Variants in CHIC1 observed in about 807,000 individuals in gnomAD.
CHIC1 encodes the protein cysteine-rich hydrophobic domain-containing protein 1.
Under a neutral mutation model 18.5 loss-of-function variants are expected in CHIC1, and 7 were observed. The observed-to-expected ratio is 0.38, with a 90% CI of 0.22 to 0.71. The LOEUF (loss-of-function observed/expected upper bound fraction) is 0.71, where lower values mean the gene tolerates loss of function less well. Ranked by LOEUF, CHIC1 falls within the 30% of genes least tolerant of loss-of-function variation. The pLI is 0.49. For missense variants in CHIC1, 159 were observed against 176.9 expected (o/e 0.90, Z 0.57); for synonymous variants, 77 against 73.5 (o/e 1.05, Z -0.25).
intron 3 of CHIC1, among the ~76,000 whole-genome samples, chrX:73,602,347 C>T (rs1437098432): frequency 1.8e-5 from 2 of 108,509 alleles, no homozygotes; most frequent in African/African-American, 7.1e-5. Flanking sequence ...TATCCTTCAC[C>T]CACTTTTTGA....
chrX:73,631,434 C>G (rs1435110852), intron 3 of CHIC1, among the ~76,000 whole-genome samples: 2 of 109,202 alleles, frequency 1.8e-5, no homozygotes, highest in African/African-American at 6.7e-5. Flanking sequence ...CGAGACCAGC[C>G]TGGCCAACCT....
rs1398865624 is a variant in CHIC1, at chrX:73,681,860, T to C, written c.*855T>C. 1.8e-5 allele frequency: 2 copies of C among 112,373 alleles called. No individual in the cohort carries two copies. Among genetic ancestry groups the C allele is most frequent in the Non-Finnish European group, 3.8e-5 (2 of 52,965 alleles). The allele number at this position is 112,373 out of a possible 1,213,427, so 9.3% of individuals were successfully genotyped here. A position where few individuals can be genotyped will look rare whatever the true frequency, so the allele number is the denominator to read the frequency against. On this transcript the variant is annotated 3_prime_UTR_variant, in exon 6 of 6. Coordinates refer to ENST00000373502, the MANE Select transcript of CHIC1 (RefSeq NM_001039840.4). ...CCATGACCTTTATTTTTCCATTTCG[T>C]TTAATAATTTCCATTTTGTTGTCTA...
chrX:73,572,489 T>C (rs1342862808), intron 1 of CHIC1, among the ~76,000 whole-genome samples: 1 of 111,339 alleles, frequency 9.0e-6, no homozygotes, highest in Non-Finnish European at 1.9e-5. Flanking sequence ...AGTAATGGAA[T>C]TGCTGGTTTA....
chrX:73,651,808 A>T (rs1337157836), intron 3 of CHIC1, among the ~76,000 whole-genome samples: 1 of 111,901 alleles, frequency 8.9e-6, no homozygotes, highest in Non-Finnish European at 1.9e-5. Flanking sequence ...ACATGGCCGT[A>T]CTGCCCATAG....
intron 2 of CHIC1, among the ~76,000 whole-genome samples, chrX:73,581,696 T>C (rs923715393): frequency 2.7e-5 from 3 of 110,825 alleles, no homozygotes; most frequent in East Asian, 2.8e-4. Context: ...TCTTATGACC[T>C]CAAAAAAAAT....
chrX:73,654,776 T>G (rs1009381854), intron 3 of CHIC1, among the ~76,000 whole-genome samples: 7 of 112,121 alleles, frequency 6.2e-5, no homozygotes, highest in African/African-American at 9.7e-5. Context: ...GTCCAGGAAT[T>G]TGTCCATTAT....
At chrX:73,607,120 T>C (rs1211067756) in intron 3 of CHIC1, among the ~76,000 whole-genome samples, 3 of 108,720 alleles carry the variant, frequency 2.8e-5, no homozygotes, top group Non-Finnish European at 5.7e-5. Context: ...CAGGGAGATA[T>C]GAGTTTTATC....
chrX:73,584,300 A>G, intron 2 of CHIC1, 117 bp from the exon 3 acceptor site: 1 of 603,021 alleles, frequency 1.7e-6, no homozygotes, highest in South Asian at 4.5e-5. Flanking sequence ...TATGGGGAAT[A>G]TATCTATTTA....
At chrX:73,567,371 C>G (rs1284583795) in intron 1 of CHIC1, among the ~76,000 whole-genome samples, 2 of 111,178 alleles carry the variant, frequency 1.8e-5, no homozygotes, top group African/African-American at 6.6e-5. Context: ...CTTCCTATTT[C>G]TGTATTCGCA....
chrX:73,676,675 G>A (rs2058065513), intron 3 of CHIC1, among the ~76,000 whole-genome samples: 1 of 110,816 alleles, frequency 9.0e-6, no homozygotes, highest in African/African-American at 3.3e-5. Context: ...CCATTGGTTC[G>A]AATTTCCTCC....
rs1278203671 is a variant in CHIC1, at chrX:73,684,823, A to G, written c.*3818A>G. 9.0e-6 allele frequency: 1 copy of G among 111,485 alleles called. No individual in the cohort carries two copies. The highest frequency in any genetic ancestry group is 1.9e-5 in the Non-Finnish European group (1 of 52,917). 9.2% of individuals were successfully genotyped at this position (111,485 alleles called of 1,213,427 possible). A position where few individuals can be genotyped will look rare whatever the true frequency, so the allele number is the denominator to read the frequency against. On this transcript the variant is annotated 3_prime_UTR_variant, in exon 6 of 6. Transcript: ENST00000373502. Reference sequence around the variant, plus strand: ...GTATGTGGACTAAAACAATTGATATATATCTGTATGTAAAAATGAATGATC... The same window carrying G: ...GTATGTGGACTAAAACAATTGATATGTATCTGTATGTAAAAATGAATGATC...
chrX:73,666,268 G>T (rs2058004043), intron 3 of CHIC1, among the ~76,000 whole-genome samples: 2 of 111,699 alleles, frequency 1.8e-5, no homozygotes, highest in Non-Finnish European at 3.8e-5. Flanking sequence ...CAATGCAGTT[G>T]TGTGATTGTA....
intron 3 of CHIC1, among the ~76,000 whole-genome samples, chrX:73,600,598 G>A (rs2057641159): frequency 9.2e-6 from 1 of 108,295 alleles, no homozygotes; most frequent in Admixed American, 9.7e-5. Flanking sequence ...TAATCATGTG[G>A]TTTTTGTATT....
intron 3 of CHIC1, among the ~76,000 whole-genome samples, chrX:73,632,887 G>C (rs1215720519): frequency 1.9e-5 from 2 of 103,345 alleles, no homozygotes; most frequent in Non-Finnish European, 3.9e-5. Context: ...TCCTGCCTCA[G>C]CCTCCCAAGT....
chrX:73,605,580 C>T lies in CHIC1; in HGVS notation c.507+21008C>T, dbSNP rs189822848. Reference sequence around the variant, plus strand: ...TCCCTGTTAGTTGATGCAGTTTCTTCATAGTGTCGATGGTCTTTAAAATTT... The same window carrying T: ...TCCCTGTTAGTTGATGCAGTTTCTTTATAGTGTCGATGGTCTTTAAAATTT... On this transcript the variant is annotated intron_variant, in intron 3 of 5. Transcript: ENST00000373502. Among the ~76,000 whole-genome samples the T allele has an allele frequency of 2.4e-3, 256 of 108,510 alleles. 27 individuals are homozygous for T. The highest frequency in any genetic ancestry group is 8.8e-3 in the African/African-American group (246 of 27,950). The allele number at this position is 108,510 out of a possible 115,157, so 94.2% of individuals were successfully genotyped here.
At chrX:73,651,023 G>T (rs1280620743) in intron 3 of CHIC1, among the ~76,000 whole-genome samples, 2 of 111,780 alleles carry the variant, frequency 1.8e-5, no homozygotes, top group Non-Finnish European at 3.8e-5. Context: ...GGGATGCAAG[G>T]CTGGTTCAAC....
chrX:73,619,364 T>A (rs1265261421), intron 3 of CHIC1, among the ~76,000 whole-genome samples: 1 of 111,195 alleles, frequency 9.0e-6, no homozygotes, highest in Non-Finnish European at 1.9e-5. Context: ...CTCTATTTCT[T>A]TTCACTGGAG....
intron 3 of CHIC1, among the ~76,000 whole-genome samples, chrX:73,628,660 G>A (rs1159045832): frequency 1.8e-5 from 2 of 111,215 alleles, no homozygotes; most frequent in African/African-American, 6.6e-5. Flanking sequence ...CTGTTGTCAG[G>A]GTTGGGGGAG....
intron 3 of CHIC1, among the ~76,000 whole-genome samples, chrX:73,632,729 A>T (rs1364093059): frequency 4.1e-5 from 4 of 96,983 alleles, no homozygotes; most frequent in African/African-American, 1.5e-4. Flanking sequence ...TGTCATAGAG[A>T]TGTGATTTTA....
Sources: allele counts gnomAD v4.1 joint callset (sites outside exome capture counted in the v4.1 genomes callset), GRCh38; gene constraint gnomAD v4.1.1; transcripts MANE v1.5; gene names NCBI Gene and HGNC (gene_info 2026-07-23, HGNC 2026-07-21).